Variants in TOP6BL observed in about 807,000 individuals in gnomAD.
TOP6BL encodes the protein TOP6B like initiator of meiotic double strand breaks, also known as type 2 DNA topoisomerase 6 subunit B-like.
chr11:66,797,413 C>T, the TOP6BL span, among the ~76,000 whole-genome samples: 2 of 151,962 alleles, frequency 1.3e-5, no homozygotes, highest in Non-Finnish European at 1.5e-5. Flanking sequence ...CTTTAGATAC[C>T]TCTTCCCTCC....
the TOP6BL span, among the ~76,000 whole-genome samples, chr11:66,794,859 G>T: frequency 2.0e-5 from 3 of 152,276 alleles, no homozygotes; most frequent in African/African-American, 7.2e-5. Flanking sequence ...GGGGCCAGGC[G>T]CAGTGGCTCA....
chr11:66,749,854 A>G, the TOP6BL span, among the ~76,000 whole-genome samples: 1 of 152,206 alleles, frequency 6.6e-6, no homozygotes, highest in Admixed American at 6.5e-5. Flanking sequence ...CTGGGATTAC[A>G]AACGTGAGCT....
At chr11:66,761,554 G>A in the TOP6BL span, 1 of 1,062,644 alleles carries the variant, frequency 9.4e-7, no homozygotes, top group African/African-American at 1.6e-5. Flanking sequence ...ATAAAACTAT[G>A]GCTTTCAGTG....
At chr11:66,790,603 A>G in the TOP6BL span, among the ~76,000 whole-genome samples, 1 of 152,242 alleles carries the variant, frequency 6.6e-6, no homozygotes, top group Non-Finnish European at 1.5e-5. Context: ...TGATCAAAAC[A>G]AACATTTAGA....
At chr11:66,819,526 T>C in the TOP6BL span, among the ~76,000 whole-genome samples, 2 of 152,142 alleles carry the variant, frequency 1.3e-5, no homozygotes, top group African/African-American at 4.8e-5. Context: ...ATCCCAATAC[T>C]TTGAGGGGCC....
the TOP6BL span, chr11:66,815,628 CTGT>C: frequency 6.3e-6 from 1 of 158,176 alleles, no homozygotes; most frequent in Non-Finnish European, 1.4e-5. Flanking sequence ...CTATCCGATA[CTGT>C]TGTTGTGAAG....
the TOP6BL span, among the ~76,000 whole-genome samples, chr11:66,755,605 T>C: frequency 2.0e-5 from 3 of 152,228 alleles, no homozygotes; most frequent in Non-Finnish European, 2.9e-5. Context: ...AAATTTGGTT[T>C]GAAATCTCTG....
chr11:66,816,616 C>G, the TOP6BL span, among the ~76,000 whole-genome samples: 15 of 152,300 alleles, frequency 9.8e-5, no homozygotes, highest in African/African-American at 3.6e-4. Context: ...GGCTGGAGTA[C>G]AGTTGCGCGA....
chr11:66,756,572 T>C, the TOP6BL span: 1 of 999,696 alleles, frequency 1.0e-6, no homozygotes, highest in Non-Finnish European at 1.2e-6. Flanking sequence ...TTTCCAATGC[T>C]TTTATATAAA....
chr11:66,785,648 T>C, the TOP6BL span, among the ~76,000 whole-genome samples: 1 of 151,658 alleles, frequency 6.6e-6, no homozygotes, highest in Admixed American at 6.6e-5. Flanking sequence ...TAATAGATTA[T>C]ATAGTTCTGA....
the TOP6BL span, among the ~76,000 whole-genome samples, chr11:66,780,235 CAAAT>C: frequency 2.0e-5 from 3 of 151,822 alleles, no homozygotes; most frequent in East Asian, 5.8e-4. Flanking sequence ...TTTAAATACT[CAAAT>C]ACTTATAATT....
chr11:66,817,017 G>T, the TOP6BL span, among the ~76,000 whole-genome samples: 1 of 152,108 alleles, frequency 6.6e-6, no homozygotes, highest in Admixed American at 6.6e-5. Flanking sequence ...AGCTGGCATG[G>T]TGGCAGCTTC....
chr11:66,776,164 T>G, the TOP6BL span, among the ~76,000 whole-genome samples: 1 of 152,008 alleles, frequency 6.6e-6, no homozygotes, highest in Non-Finnish European at 1.5e-5. Flanking sequence ...GTTCAAGTGA[T>G]TCTCTTACCT....
At chr11:66,839,574 G>A in the TOP6BL span, among the ~76,000 whole-genome samples, 1 of 152,198 alleles carries the variant, frequency 6.6e-6, no homozygotes, top group East Asian at 1.9e-4. Context: ...TTATGCTTAG[G>A]CCTAAGATGT....
chr11:66,820,429 G>A, the TOP6BL span, among the ~76,000 whole-genome samples: 1 of 152,148 alleles, frequency 6.6e-6, no homozygotes, highest in Non-Finnish European at 1.5e-5. Context: ...CTGTAAATTT[G>A]GCTTCCTGTG....
the TOP6BL span, among the ~76,000 whole-genome samples, chr11:66,784,185 C>T: frequency 6.6e-6 from 1 of 152,126 alleles, no homozygotes; most frequent in African/African-American, 2.4e-5. Flanking sequence ...CGCCTGCCAC[C>T]AAGCCTGGCT....
At chr11:66,806,788 TG>T in the TOP6BL span, among the ~76,000 whole-genome samples, 1 of 151,786 alleles carries the variant, frequency 6.6e-6, no homozygotes, top group African/African-American at 2.4e-5. Flanking sequence ...AGAAGAGGCG[TG>T]GTATGATAGA....
At chr11:66,814,339 A>G in the TOP6BL span, among the ~76,000 whole-genome samples, 1 of 151,700 alleles carries the variant, frequency 6.6e-6, no homozygotes, top group Non-Finnish European at 1.5e-5. Flanking sequence ...GCTGGCTGCA[A>G]CCTCCGCCTC....
the TOP6BL span, among the ~76,000 whole-genome samples, chr11:66,811,403 G>A: frequency 7.2e-5 from 11 of 152,292 alleles, no homozygotes; most frequent in Admixed American, 3.9e-4. Flanking sequence ...TGTTGGCCAG[G>A]CTGGTCTCGA....
Sources: allele counts gnomAD v4.1 joint callset (sites outside exome capture counted in the v4.1 genomes callset), GRCh38; gene constraint gnomAD v4.1.1; transcripts MANE v1.5; gene names NCBI Gene and HGNC (gene_info 2026-07-23, HGNC 2026-07-21).